PITPNB: variants seen among roughly 807,000 people sequenced by gnomAD.
The protein encoded by PITPNB is phosphatidylinositol transfer protein beta isoform.
A neutral mutation model predicts 45.9 loss-of-function variants in PITPNB; 16 were observed. The ratio of observed to expected loss-of-function variants is 0.35; its 90% CI spans 0.24 to 0.53. PITPNB has a LOEUF of 0.53. Ranked by LOEUF, PITPNB falls within the 20% of genes least tolerant of loss-of-function variation. The pLI is 0.93. For missense variants in PITPNB, 188 were observed against 330.5 expected, an observed-to-expected ratio of 0.57 and a Z score of 3.34; for synonymous variants, 112 against 108.9, an observed-to-expected ratio of 1.03 and a Z score of -0.18.
At chr22:27,896,785 C>T (rs1935445298) in intron 5 of PITPNB, 159 bp from the exon 6 acceptor site, 2 of 617,028 alleles carry the variant, frequency 3.2e-6, no homozygotes, top group South Asian at 2.0e-5. Context: ...TTTTTATAGA[C>T]TTGTCAGGCA....
At position 27,896,579 on chromosome 22, in the gene PITPNB, G is replaced by C; in HGVS notation, c.345C>G (p.His115Gln). 6.2e-7 allele frequency: 1 copy of C among 1,611,284 alleles called. No homozygotes were observed. The highest frequency in any genetic ancestry group is 8.5e-7 in the Non-Finnish European group (1 of 1,177,458). The change falls in exon 6 of 12, where the codon CAC (histidine) becomes CAG (glutamine). Residue 115 changes from histidine (H) to glutamine (Q), a missense_variant. Coordinates refer to ENST00000335272, the MANE Select transcript of PITPNB (RefSeq NM_012399.5). ...TTTCTAATGTTCCCAAGTCTGGTTT[G>C]TGCCATGTTTCGATTTTAATGAAGA... is the stretch of plus-strand genomic sequence containing the variant. ...DDFFIKIETW[H>Q]KPDLGTLENV...
At chr22:27,890,768 C>G (rs1355406262) in intron 7 of PITPNB, among the ~76,000 whole-genome samples, 2 of 152,114 alleles carry the variant, frequency 1.3e-5, no homozygotes, top group East Asian at 1.9e-4. Context: ...GAGCCGAGAT[C>G]GCGCCACTGC....
intron 8 of PITPNB, among the ~76,000 whole-genome samples, chr22:27,868,054 TGTG>T (rs1283951419): frequency 6.6e-6 from 1 of 152,130 alleles, no homozygotes; most frequent in East Asian, 1.9e-4. Flanking sequence ...TAATCCAAAA[TGTG>T]GTCTAACCAG....
At chr22:27,910,812 T>C in intron 3 of PITPNB, 152 bp downstream of exon 3, 1 of 590,442 alleles carries the variant, frequency 1.7e-6, no homozygotes, top group Non-Finnish European at 3.0e-6. Flanking sequence ...AATTTACAAA[T>C]AAAGGAGGAG....
rs142941890 is a variant in PITPNB, at chr22:27,896,585, T to C, written c.339A>G (p.Thr113=). 5.6e-5 allele frequency: 91 copies of C among 1,611,584 alleles called. No homozygotes were observed. The highest frequency in any genetic ancestry group is 3.3e-4 in the Middle Eastern group (2 of 6,062). ...ATGTTCCCAAGTCTGGTTTGTGCCA[T>C]GTTTCGATTTTAATGAAGAAATCAT... ...MKDDFFIKIE[T]WHKPDLGTLE... Residue 113 remains threonine (T), a synonymous_variant, in exon 6 of 12, where the codon ACA becomes ACG. Coordinates refer to ENST00000335272, the MANE Select transcript of PITPNB (RefSeq NM_012399.5).
At chr22:27,869,887 G>A (rs9625348) in intron 8 of PITPNB, among the ~76,000 whole-genome samples, 6,569 of 151,110 alleles carry the variant, frequency 0.043, 237 homozygotes, top group African/African-American at 0.092. Flanking sequence ...TAGATTCCCA[G>A]TGGCTTTTTA....
chr22:27,870,054 G>C (rs1330333822), intron 8 of PITPNB, among the ~76,000 whole-genome samples: 1 of 152,172 alleles, frequency 6.6e-6, no homozygotes, highest in South Asian at 2.1e-4. Context: ...ACAGAACGGT[G>C]ATCTAGGAGT....
intron 8 of PITPNB, among the ~76,000 whole-genome samples, chr22:27,868,432 C>T (rs897449783): frequency 7.9e-5 from 12 of 152,190 alleles, no homozygotes; most frequent in African/African-American, 2.9e-4. Context: ...CATCTTTTCA[C>T]AGACATGGGG....
At chr22:27,917,143 T>C (rs542148058) in intron 1 of PITPNB, among the ~76,000 whole-genome samples, 1 of 152,238 alleles carries the variant, frequency 6.6e-6, no homozygotes, top group African/African-American at 2.4e-5. Context: ...TAATTAGACT[T>C]TGGGCACGTG....
rs1039416575 is a variant in PITPNB, at chr22:27,915,032, A to T, written c.21-685T>A. Among the ~76,000 whole-genome samples, 5 of 152,254 alleles carry T rather than the reference A, an allele frequency of 3.3e-5. No homozygotes were observed. In the East Asian group the frequency reaches 9.6e-4, roughly 29 times the overall value. The stretch of plus-strand genomic sequence containing the variant: ...TAGCTCCATTGCAAGCAGTCTTAAA[A>T]GATAAAATCCAAAACAGTATCATGG... On this transcript the variant is annotated intron_variant, in intron 1 of 11. Coordinates refer to ENST00000335272, the MANE Select transcript of PITPNB (RefSeq NM_012399.5).
intron 8 of PITPNB, among the ~76,000 whole-genome samples, chr22:27,861,380 C>A (rs73166732): frequency 0.1 from 15,565 of 152,194 alleles, 932 homozygotes; most frequent in South Asian, 0.25. Flanking sequence ...TTGATGATTT[C>A]TGTGAGTCTT....
At chr22:27,868,470 T>C (rs527313449) in intron 8 of PITPNB, among the ~76,000 whole-genome samples, 3 of 152,326 alleles carry the variant, frequency 2.0e-5, no homozygotes. Flanking sequence ...CTTGGTAGCA[T>C]GGCAGTAAAC....
intron 7 of PITPNB, among the ~76,000 whole-genome samples, chr22:27,879,018 C>T (rs569776315): frequency 6.6e-6 from 1 of 152,192 alleles, no homozygotes; most frequent in South Asian, 2.1e-4. Flanking sequence ...AAATCTACAC[C>T]CCTGAACATA....
At position 27,862,559 on chromosome 22, in the gene PITPNB, GTTAA is replaced by G. The variant is rs375461365; in HGVS notation, c.535-2322_535-2319del. On this transcript the variant is annotated intron_variant, in intron 8 of 11. Transcript: ENST00000335272. ...AACTGTTCTCTTGCAGGTGAGCTCT[GTTAA>G]CAAAATATCTTGGCTAGCTTAGCTC... 6.8e-3 allele frequency among the ~76,000 whole-genome samples: 1,034 copies of G among 152,218 alleles called. 7 individuals are homozygous for G. Among genetic ancestry groups the G allele is most frequent in the African/African-American group, 0.023 (939 of 41,520 alleles).
chr22:27,877,240 T>A (rs1053778851), intron 7 of PITPNB, among the ~76,000 whole-genome samples: 68 of 152,240 alleles, frequency 4.5e-4, no homozygotes, highest in African/African-American at 1.5e-3. Flanking sequence ...AAGGGCTTAG[T>A]AAAACCATCA....
chr22:27,865,708 G>A (rs1459996179), intron 8 of PITPNB, among the ~76,000 whole-genome samples: 2 of 152,062 alleles, frequency 1.3e-5, no homozygotes, highest in Non-Finnish European at 2.9e-5. Flanking sequence ...TTGCGCGGAG[G>A]GTGAAAGGAA....
chr22:27,916,831 A>G (rs1601436325), intron 1 of PITPNB, among the ~76,000 whole-genome samples: 2 of 152,292 alleles, frequency 1.3e-5, no homozygotes, highest in East Asian at 3.9e-4. Context: ...AAAGAATTTT[A>G]TAAGACAACA....
intron 7 of PITPNB, among the ~76,000 whole-genome samples, chr22:27,882,954 T>A (rs898451213): frequency 6.6e-6 from 1 of 152,258 alleles, no homozygotes; most frequent in East Asian, 1.9e-4. Context: ...GTTTATTAAA[T>A]GAACAAATGA....
At chr22:27,864,027 AGTAATTATTTTTTT>A (rs1295002279) in intron 8 of PITPNB, among the ~76,000 whole-genome samples, 5 of 152,218 alleles carry the variant, frequency 3.3e-5, no homozygotes, top group Non-Finnish European at 7.3e-5. Context: ...CCAATTTACA[AGTAATTATTTTTTT>A]AAAAACCCTT....
Sources: gnomAD v4.1 joint callset for allele counts (sites outside exome capture counted in the v4.1 genomes callset) on GRCh38, gnomAD v4.1.1 for gene constraint, MANE v1.5 for transcripts, NCBI Gene and HGNC (gene_info 2026-07-23, HGNC 2026-07-21) for gene names.